Variants in DPP6 observed in about 807,000 individuals in gnomAD.
DPP6 encodes A-type potassium channel modulatory protein DPP6.
DPP6 carries 69 observed loss-of-function variants against 122.6 expected under a neutral mutation model. The observed-to-expected ratio is 0.56, with a 90% CI of 0.46 to 0.69. The LOEUF is 0.69. DPP6 is among the 30% of genes least tolerant of loss of function. DPP6 has a pLI of 0.00. For missense variants in DPP6, 928 were observed against 1,116.9 expected (o/e 0.83, Z 2.41); for synonymous variants, 418 against 433.1 (o/e 0.97, Z 0.43).
intron 7 of DPP6, among the ~76,000 whole-genome samples, chr7:154,679,549 C>G (rs1839154460): frequency 6.6e-6 from 1 of 152,118 alleles, no homozygotes; most frequent in Non-Finnish European, 1.5e-5. Context: ...GCGCTGCCCA[C>G]CCAGTCCCAT....
At chr7:153,935,686 G>T (rs1206575225) in intron 1 of DPP6, among the ~76,000 whole-genome samples, 1 of 152,170 alleles carries the variant, frequency 6.6e-6, no homozygotes, top group Non-Finnish European at 1.5e-5. Context: ...CTCAGGCTCC[G>T]TTGCAGAGGC....
At chr7:154,418,222 G>C (rs28695976) in intron 1 of DPP6, among the ~76,000 whole-genome samples, 3,011 of 152,252 alleles carry the variant, frequency 0.02, 121 homozygotes, top group African/African-American at 0.069. Flanking sequence ...CACCAGCCCT[G>C]TTCCAAATCA....
chr7:154,581,965 C>T (rs1193154427), intron 5 of DPP6, among the ~76,000 whole-genome samples: 1 of 152,196 alleles, frequency 6.6e-6, no homozygotes, highest in Non-Finnish European at 1.5e-5. Flanking sequence ...CCTTAGGCCC[C>T]CTGTCCTGGG....
chr7:154,202,898 A>AGGCACAG (rs1799245842), intron 1 of DPP6, among the ~76,000 whole-genome samples: 1 of 152,230 alleles, frequency 6.6e-6, no homozygotes, highest in South Asian at 2.1e-4. Flanking sequence ...GTCAGCTAAC[A>AGGCACAG]GGCACAGGCA....
intron 1 of DPP6, among the ~76,000 whole-genome samples, chr7:154,303,937 G>A (rs996690017): frequency 3.3e-5 from 5 of 152,156 alleles, no homozygotes; most frequent in Non-Finnish European, 5.9e-5. Flanking sequence ...AGCAGTGCTG[G>A]GCATTGGAAA....
chr7:153,801,195 G>A, the DPP6 span, among the ~76,000 whole-genome samples: 14 of 147,412 alleles, frequency 9.5e-5, no homozygotes, highest in African/African-American at 3.3e-4. Flanking sequence ...TTTAGACAAT[G>A]TTCTAGTTTC....
At chr7:154,703,700 G>A (rs1430067764) in intron 7 of DPP6, among the ~76,000 whole-genome samples, 1 of 151,948 alleles carries the variant, frequency 6.6e-6, no homozygotes. Flanking sequence ...CACTTTAGAA[G>A]GCCAAAGCGG....
chr7:154,565,295 G>A (rs2130515429), intron 4 of DPP6, among the ~76,000 whole-genome samples: 1 of 152,334 alleles, frequency 6.6e-6, no homozygotes, highest in South Asian at 2.1e-4. Context: ...ATGAACTAGT[G>A]TTCATGATGA....
At chr7:154,506,689 A>T (rs1050375580) in intron 3 of DPP6, among the ~76,000 whole-genome samples, 3 of 152,182 alleles carry the variant, frequency 2.0e-5, no homozygotes, top group African/African-American at 7.2e-5. Context: ...TAAAAAGATG[A>T]TGACCCATAT....
chr7:154,404,599 G>T (rs1005737444), intron 1 of DPP6, among the ~76,000 whole-genome samples: 3 of 152,204 alleles, frequency 2.0e-5, no homozygotes, highest in African/African-American at 4.8e-5. Flanking sequence ...TGATGACCAG[G>T]TCGACCAGAA....
Position 154,415,995 on chromosome 7 carries a change from C to T in DPP6, c.244-30219C>T, listed in dbSNP as rs140058523. On this transcript the variant is annotated intron_variant, in intron 1 of 25. Transcript: ENST00000377770. Reference sequence around the variant, plus strand: ...AGAGTTATAGTAGTCCCCACTTATCCTCAGTTTCACTTTCTGCAGTCTCAA... The same window carrying T: ...AGAGTTATAGTAGTCCCCACTTATCTTCAGTTTCACTTTCTGCAGTCTCAA... 6.0e-3 allele frequency among the ~76,000 whole-genome samples: 910 copies of T among 151,986 alleles called. 10 individuals carry two copies. The highest frequency in any genetic ancestry group is 0.02 in the African/African-American group (831 of 41,390).
intron 1 of DPP6, among the ~76,000 whole-genome samples, chr7:154,175,163 CGTT>C (rs1261079881): frequency 1.3e-5 from 2 of 152,044 alleles, no homozygotes; most frequent in African/African-American, 4.8e-5. Context: ...ACATAAAAGA[CGTT>C]GTCACGAACC....
intron 1 of DPP6, among the ~76,000 whole-genome samples, chr7:154,008,611 G>T (rs887978423): frequency 6.6e-6 from 1 of 150,912 alleles, no homozygotes; most frequent in African/African-American, 2.4e-5. Context: ...CATCTCTCCC[G>T]CTTGGCAGCT....
At chr7:154,325,771 GACACTT>G (rs1358643561) in intron 1 of DPP6, among the ~76,000 whole-genome samples, 2 of 152,204 alleles carry the variant, frequency 1.3e-5, no homozygotes, top group African/African-American at 4.8e-5. Flanking sequence ...TCAGAGGGAA[GACACTT>G]ATATTTTCTG....
chr7:153,940,019 G>A (rs575785181), intron 1 of DPP6, among the ~76,000 whole-genome samples: 2 of 152,278 alleles, frequency 1.3e-5, no homozygotes, highest in African/African-American at 2.4e-5. Flanking sequence ...TGCTGGGCCA[G>A]CCAGGACAAG....
intron 1 of DPP6, among the ~76,000 whole-genome samples, chr7:154,366,464 C>T (rs961276185): frequency 6.6e-6 from 1 of 152,206 alleles, no homozygotes; most frequent in Non-Finnish European, 1.5e-5. Context: ...AGAATCGGCA[C>T]AGTGGTTCTC....
chr7:153,798,078 C>A, the DPP6 span, among the ~76,000 whole-genome samples: 1 of 151,976 alleles, frequency 6.6e-6, no homozygotes, highest in African/African-American at 2.4e-5. Flanking sequence ...TCCTGACCTC[C>A]TGATCCGCCC....
Position 154,416,454 on chromosome 7 carries a change from G to A in DPP6, c.244-29760G>A, listed in dbSNP as rs557957496. On this transcript the variant is annotated intron_variant, in intron 1 of 25. Transcript: ENST00000377770. ...ACAGGAAGATATTTTGTGACAGTGA[G>A]AGAGAGAGAAACCACAGTCACATAA... Among the ~76,000 whole-genome samples the A allele has an allele frequency of 2.0e-5, 3 of 152,276 alleles. No homozygotes were observed. In the East Asian group the frequency reaches 5.8e-4, roughly 29 times the overall value.
At chr7:154,445,070 C>T (rs75113298) in intron 1 of DPP6, among the ~76,000 whole-genome samples, 13,623 of 152,132 alleles carry the variant, frequency 0.09, 1,058 homozygotes, top group East Asian at 0.31. Context: ...GATGATATTG[C>T]ATATTGTCTA....
Sources: allele counts gnomAD v4.1 joint callset (sites outside exome capture counted in the v4.1 genomes callset), GRCh38; gene constraint gnomAD v4.1.1; transcripts MANE v1.5; gene names NCBI Gene and HGNC (gene_info 2026-07-23, HGNC 2026-07-21).